Variants in CSMD1 observed in about 807,000 individuals in gnomAD.
CSMD1 encodes the protein CUB and sushi domain-containing protein 1.
Under a neutral mutation model 417.5 loss-of-function variants are expected in CSMD1, and 213 were observed. The ratio of observed to expected loss-of-function variants is 0.51; its 90% confidence interval spans 0.46 to 0.57. CSMD1 has a LOEUF of 0.57. Ranked by LOEUF, CSMD1 falls within the 20% of genes least tolerant of loss-of-function variation. The probability of loss-of-function intolerance (pLI) is 0.00; values close to 1 mark genes in which losing one functional copy is unlikely to be tolerated. For missense variants in CSMD1, 6,923 were observed against 4,529.7 expected (o/e 1.53, Z -15.17); for synonymous variants, 2,862 against 1,736.8 (o/e 1.65, Z -16.11).
chr8:3,345,401 A>G (rs920923722), intron 22 of CSMD1, among the ~76,000 whole-genome samples: 3 of 152,150 alleles, frequency 2.0e-5, no homozygotes, highest in African/African-American at 4.8e-5. Flanking sequence ...CCGAAACCCC[A>G]GAGAAAGTGT....
At chr8:4,905,728 G>A (rs1463559054) in intron 1 of CSMD1, among the ~76,000 whole-genome samples, 1 of 148,738 alleles carries the variant, frequency 6.7e-6, no homozygotes, top group East Asian at 2.1e-4. Context: ...GCTGAGGCAG[G>A]AGAATGGCGT....
intron 26 of CSMD1, among the ~76,000 whole-genome samples, chr8:3,277,044 A>T (rs899082058): frequency 6.6e-6 from 1 of 152,078 alleles, no homozygotes; most frequent in Non-Finnish European, 1.5e-5. Context: ...GGCACACTGG[A>T]ATTTCTTGTG....
intron 4 of CSMD1, among the ~76,000 whole-genome samples, chr8:4,004,171 A>G (rs957904162): frequency 6.6e-6 from 1 of 152,116 alleles, no homozygotes; most frequent in Admixed American, 6.6e-5. Context: ...TTTTAATATA[A>G]TTGTGGTATT....
chr8:4,221,698 G>T (rs537565777), intron 3 of CSMD1, among the ~76,000 whole-genome samples: 1 of 152,166 alleles, frequency 6.6e-6, no homozygotes, highest in African/African-American at 2.4e-5. Context: ...TCCAGCAATA[G>T]ACTGGAGGCT....
chr8:4,416,307 G>C (rs533463942), intron 3 of CSMD1, among the ~76,000 whole-genome samples: 7 of 151,970 alleles, frequency 4.6e-5, no homozygotes, highest in Admixed American at 1.3e-4. Flanking sequence ...GAAAAACCTT[G>C]TTTTACTTAT....
chr8:3,306,210 G>A (rs79568902), intron 25 of CSMD1, among the ~76,000 whole-genome samples: 3,732 of 151,894 alleles, frequency 0.025, 149 homozygotes, highest in African/African-American at 0.084. Context: ...ACATTACTAA[G>A]CTTGATAGGG....
chr8:3,917,156 G>C (rs1808887696), intron 5 of CSMD1, among the ~76,000 whole-genome samples: 1 of 152,174 alleles, frequency 6.6e-6, no homozygotes, highest in East Asian at 1.9e-4. Context: ...CTGCTGCACA[G>C]AGGAATAACG....
chr8:4,955,352 T>G (rs1171056451), intron 1 of CSMD1, among the ~76,000 whole-genome samples: 2 of 152,128 alleles, frequency 1.3e-5, no homozygotes, highest in East Asian at 3.9e-4. Flanking sequence ...TCCCATGCAT[T>G]TTATGACTTT....
chr8:4,722,003 T>C (rs1349543448), intron 1 of CSMD1, among the ~76,000 whole-genome samples: 3 of 152,148 alleles, frequency 2.0e-5, no homozygotes, highest in African/African-American at 2.4e-5. Context: ...ACGATGGTTA[T>C]TGGAGTGGGC....
chr8:3,188,861 G>A, intron 35 of CSMD1, 26 bp downstream of exon 35: 1 of 1,539,060 alleles, frequency 6.5e-7, no homozygotes. Flanking sequence ...GAGCCCTGTT[G>A]TAGACTGTGG....
intron 12 of CSMD1, among the ~76,000 whole-genome samples, chr8:3,461,961 A>T (rs1816533282): frequency 6.6e-6 from 1 of 152,148 alleles, no homozygotes; most frequent in African/African-American, 2.4e-5. Flanking sequence ...GCCGGACAGG[A>T]GGGTGGCGGT....
chr8:3,950,428 G>C (rs1585020046), intron 5 of CSMD1, among the ~76,000 whole-genome samples: 1 of 152,152 alleles, frequency 6.6e-6, no homozygotes, highest in South Asian at 2.1e-4. Flanking sequence ...GCAGAAGAGA[G>C]GTTCTTCTGG....
chr8:4,653,516 T>C (rs1025035501), intron 1 of CSMD1, among the ~76,000 whole-genome samples: 4 of 152,106 alleles, frequency 2.6e-5, no homozygotes, highest in East Asian at 1.9e-4. Context: ...CTTTCTAAAA[T>C]AGATTTTAGC....
At chr8:4,246,607 G>C (rs980464678) in intron 3 of CSMD1, among the ~76,000 whole-genome samples, 3 of 152,114 alleles carry the variant, frequency 2.0e-5, no homozygotes, top group Non-Finnish European at 2.9e-5. Flanking sequence ...GATATGATGG[G>C]TCTAGCTTTG....
intron 2 of CSMD1, among the ~76,000 whole-genome samples, chr8:4,605,028 G>C (rs2617101): frequency 0.54 from 81,906 of 151,998 alleles, 24,209 homozygotes; most frequent in African/African-American, 0.8. Flanking sequence ...CAACCCCCAT[G>C]ATATCTGTGG....
At chr8:4,658,798 C>G (rs528200928) in intron 1 of CSMD1, among the ~76,000 whole-genome samples, 80 of 152,112 alleles carry the variant, frequency 5.3e-4, no homozygotes, top group Non-Finnish European at 8.7e-4. Context: ...CACCACACAT[C>G]TGGGTTAATG....
At chr8:4,019,632 A>G (rs972250532) in intron 4 of CSMD1, among the ~76,000 whole-genome samples, 7 of 152,264 alleles carry the variant, frequency 4.6e-5, no homozygotes, top group African/African-American at 7.2e-5. Context: ...CTTGAAATGC[A>G]TGAGGTTAGA....
At chr8:4,763,465 G>C (rs1422076821) in intron 1 of CSMD1, among the ~76,000 whole-genome samples, 1 of 152,140 alleles carries the variant, frequency 6.6e-6, no homozygotes, top group African/African-American at 2.4e-5. Context: ...ATAGTGACAT[G>C]ATGAGAGCTC....
intron 1 of CSMD1, among the ~76,000 whole-genome samples, chr8:4,680,035 A>G (rs1805939514): frequency 6.6e-6 from 1 of 152,202 alleles, no homozygotes; most frequent in South Asian, 2.1e-4. Flanking sequence ...AATCTTAGCA[A>G]TGTATGCAAA....
Sources: gnomAD v4.1 joint callset for allele counts (sites outside exome capture counted in the v4.1 genomes callset) on GRCh38, gnomAD v4.1.1 for gene constraint, MANE v1.5 for transcripts, NCBI Gene and HGNC (gene_info 2026-07-23, HGNC 2026-07-21) for gene names.